Variants in CTNNA2 observed in about 807,000 individuals in gnomAD.
CTNNA2 encodes the protein catenin alpha-2.
A neutral mutation model predicts 101.0 loss-of-function variants in CTNNA2; 42 were observed. The observed-to-expected ratio is 0.42, with a 90% CI of 0.32 to 0.54. CTNNA2 has a LOEUF of 0.54. Among genes scored for constraint, CTNNA2 ranks in the 20% least tolerant of loss-of-function variants. The probability of loss-of-function intolerance (pLI) is 0.14; values close to 1 mark genes in which losing one functional copy is unlikely to be tolerated. For missense variants in CTNNA2, 871 were observed against 1,223.1 expected (o/e 0.71, Z 4.29); for synonymous variants, 450 against 456.4 (o/e 0.99, Z 0.18).
At chr2:80,106,200 T>C (rs1700881831) in intron 7 of CTNNA2, among the ~76,000 whole-genome samples, 1 of 152,254 alleles carries the variant, frequency 6.6e-6, no homozygotes, top group East Asian at 1.9e-4. Context: ...GTCAAATGTA[T>C]AGGAAATGGC....
At chr2:79,620,427 T>C (rs940689670) in intron 1 of CTNNA2, among the ~76,000 whole-genome samples, 3 of 152,226 alleles carry the variant, frequency 2.0e-5, no homozygotes, top group Non-Finnish European at 4.4e-5. Context: ...TGTCACCTTA[T>C]ATGTGAAATC....
chr2:79,404,701 T>C (rs1015939197), intron 4 of CTNNA2, among the ~76,000 whole-genome samples: 1 of 152,050 alleles, frequency 6.6e-6, no homozygotes, highest in Non-Finnish European at 1.5e-5. Context: ...CACCTCACTC[T>C]GGGAAGATTT....
At chr2:80,044,488 C>G (rs1406843900) in intron 7 of CTNNA2, among the ~76,000 whole-genome samples, 1 of 152,054 alleles carries the variant, frequency 6.6e-6, no homozygotes, top group Non-Finnish European at 1.5e-5. Context: ...GAAAAAAATA[C>G]AGATGTTAAA....
chr2:80,079,828 T>TAAAATAAAATAAAATAAAATAAAATA (rs371009954), intron 7 of CTNNA2, among the ~76,000 whole-genome samples: 2 of 120,088 alleles, frequency 1.7e-5, no homozygotes, highest in Non-Finnish European at 3.5e-5. Context: ...TAAAATAAAA[T>TAAAATAAAATAAAATAAAATAAAATA]AAATAAAATA....
At chr2:79,912,055 A>G (rs1377949543) in intron 7 of CTNNA2, among the ~76,000 whole-genome samples, 1 of 152,224 alleles carries the variant, frequency 6.6e-6, no homozygotes, top group African/African-American at 2.4e-5. Context: ...TTTCAATTTC[A>G]TAAGCTCTGA....
chr2:79,423,196 T>C (rs1195309079), intron 4 of CTNNA2, among the ~76,000 whole-genome samples: 1 of 152,176 alleles, frequency 6.6e-6, no homozygotes, highest in African/African-American at 2.4e-5. Flanking sequence ...TAATTTACTC[T>C]GAAAATTCCA....
chr2:80,352,613 T>C (rs1673412094), intron 7 of CTNNA2, among the ~76,000 whole-genome samples: 1 of 152,150 alleles, frequency 6.6e-6, no homozygotes, highest in Non-Finnish European at 1.5e-5. Flanking sequence ...TTCTAAGAAT[T>C]GTAAAGGAAT....
intron 7 of CTNNA2, among the ~76,000 whole-genome samples, chr2:80,261,017 C>T (rs1239018153): frequency 6.6e-6 from 1 of 152,150 alleles, no homozygotes; most frequent in East Asian, 1.9e-4. Context: ...ACCTAAGTAC[C>T]TGGTGGCACC....
intron 9 of CTNNA2, among the ~76,000 whole-genome samples, chr2:80,528,810 C>G (rs1690268452): frequency 6.6e-6 from 1 of 152,206 alleles, no homozygotes; most frequent in African/African-American, 2.4e-5. Flanking sequence ...TGTTTTTACA[C>G]TGATTCTTCG....
chr2:79,496,254 A>T (rs78625339), intron 4 of CTNNA2, among the ~76,000 whole-genome samples: 2,425 of 152,152 alleles, frequency 0.016, 115 homozygotes, highest in East Asian at 0.15. Context: ...TTCTTTTTAG[A>T]CTTGTCATAT....
At chr2:79,695,985 G>T (rs1393789073) in intron 2 of CTNNA2, among the ~76,000 whole-genome samples, 1 of 152,000 alleles carries the variant, frequency 6.6e-6, no homozygotes, top group Non-Finnish European at 1.5e-5. Context: ...TCATTGCCAG[G>T]ATGGTGTGGC....
intron 9 of CTNNA2, among the ~76,000 whole-genome samples, chr2:80,500,495 T>C (rs574757033): frequency 2.0e-5 from 3 of 152,304 alleles, no homozygotes; most frequent in Non-Finnish European, 4.4e-5. Flanking sequence ...TGCCAAGCAT[T>C]AATGGATGAT....
At chr2:79,344,362 G>A (rs1414801874) in intron 3 of CTNNA2, among the ~76,000 whole-genome samples, 1 of 152,122 alleles carries the variant, frequency 6.6e-6, no homozygotes, top group Admixed American at 6.5e-5. Context: ...TGCTCCAATG[G>A]TTGGCATTTT....
At chr2:79,218,026 G>C (rs1403806644) in intron 2 of CTNNA2, among the ~76,000 whole-genome samples, 1 of 152,204 alleles carries the variant, frequency 6.6e-6, no homozygotes, top group Non-Finnish European at 1.5e-5. Flanking sequence ...TTTCTTCCAT[G>C]ATTCAGGCAA....
chr2:79,569,465 T>C (rs1175555745), intron 1 of CTNNA2, among the ~76,000 whole-genome samples: 2 of 152,012 alleles, frequency 1.3e-5, no homozygotes, highest in African/African-American at 4.8e-5. Flanking sequence ...ACAGTTTGAG[T>C]TTTATTCTTT....
intron 2 of CTNNA2, among the ~76,000 whole-genome samples, chr2:79,218,352 T>TGTGTGTGTGTGTGTGTGTA (rs1491322056): frequency 1.2e-5 from 1 of 82,626 alleles, no homozygotes; most frequent in Non-Finnish European, 2.2e-5. Flanking sequence ...TGTGTGTGTA[T>TGTGTGTGTGTGTGTGTGTA]TTTTTTTTTT....
intron 3 of CTNNA2, among the ~76,000 whole-genome samples, chr2:79,823,556 A>G (rs1033851255): frequency 5.9e-5 from 9 of 152,028 alleles, no homozygotes; most frequent in African/African-American, 2.2e-4. Flanking sequence ...AAGACAACCA[A>G]CCCATCACAT....
At chr2:80,048,638 A>G (rs1696680474) in intron 7 of CTNNA2, among the ~76,000 whole-genome samples, 1 of 152,188 alleles carries the variant, frequency 6.6e-6, no homozygotes, top group Non-Finnish European at 1.5e-5. Context: ...ACTGCCCCAG[A>G]GTAACTTGCT....
At chr2:79,890,366 A>G (rs1195289256) in intron 6 of CTNNA2, among the ~76,000 whole-genome samples, 1 of 152,194 alleles carries the variant, frequency 6.6e-6, no homozygotes, top group East Asian at 1.9e-4. Context: ...ATGCAAATGC[A>G]GTTTGAAGAC....
Sources: gnomAD v4.1 joint callset for allele counts (sites outside exome capture counted in the v4.1 genomes callset) on GRCh38, gnomAD v4.1.1 for gene constraint, MANE v1.5 for transcripts, NCBI Gene and HGNC (gene_info 2026-07-23, HGNC 2026-07-21) for gene names.